The following EDAR variants were observed in gnomAD, a reference collection of about 807,000 sequenced individuals.
The protein encoded by EDAR is ectodysplasin A receptor.
Under a neutral mutation model 51.3 loss-of-function variants are expected in EDAR, and 38 were observed. That is an observed-to-expected ratio of 0.74 (90% confidence interval 0.57 to 0.97). The LOEUF (loss-of-function observed/expected upper bound fraction) is 0.97. EDAR is among the 50% of genes least tolerant of loss of function. The pLI, the probability that EDAR is intolerant of heterozygous loss-of-function variation, is 0.00. For missense variants in EDAR, 528 were observed against 595.0 expected (o/e 0.89, Z 1.17); for synonymous variants, 227 against 242.1 (o/e 0.94, Z 0.58).
At chr2:108,961,805 A>G (rs2104406018) in intron 1 of EDAR, among the ~76,000 whole-genome samples, 1 of 152,196 alleles carries the variant, frequency 6.6e-6, no homozygotes, top group East Asian at 1.9e-4. Flanking sequence ...CTCTCTCGTG[A>G]CCTGAGCCTG....
intron 1 of EDAR, among the ~76,000 whole-genome samples, chr2:108,943,649 C>T (rs200108244): frequency 5.9e-5 from 9 of 152,166 alleles, no homozygotes; most frequent in East Asian, 1.9e-4. Flanking sequence ...GAAGACTCCG[C>T]GTATTTTCCG....
chr2:108,911,616 C>CCTCAGTCACCCCGGGGGATTTTG (rs1558802675), intron 6 of EDAR, among the ~76,000 whole-genome samples: 1 of 152,184 alleles, frequency 6.6e-6, no homozygotes, highest in Non-Finnish European at 1.5e-5. Context: ...CCAGGCAGTC[C>CCTCAGTCACCCCGGGGGATTTTG]CTCAGTCACC....
At chr2:108,953,317 G>C (rs943276267) in intron 1 of EDAR, among the ~76,000 whole-genome samples, 1 of 152,058 alleles carries the variant, frequency 6.6e-6, no homozygotes, top group African/African-American at 2.4e-5. Context: ...AAGACCCACC[G>C]GTAAACTTCA....
At chr2:108,907,628 A>C (rs1405722581) in intron 10 of EDAR, among the ~76,000 whole-genome samples, 1 of 150,256 alleles carries the variant, frequency 6.7e-6, no homozygotes, top group Non-Finnish European at 1.5e-5. Context: ...AGGCTGGGTG[A>C]CAGAGCAAGA....
At chr2:108,927,298 C>A (rs143248098) in intron 4 of EDAR, among the ~76,000 whole-genome samples, 1 of 152,074 alleles carries the variant, frequency 6.6e-6, no homozygotes, top group Admixed American at 6.5e-5. Flanking sequence ...TGGAGTAGGG[C>A]GGGAGGCATC....
chr2:108,985,095 G>T (rs1405716872), intron 1 of EDAR, among the ~76,000 whole-genome samples: 17 of 152,148 alleles, frequency 1.1e-4, no homozygotes. Flanking sequence ...CAGGATTAAG[G>T]TGTTGTTGGC....
At chr2:108,943,318 G>A (rs1033240176) in intron 1 of EDAR, among the ~76,000 whole-genome samples, 7 of 152,152 alleles carry the variant, frequency 4.6e-5, no homozygotes, top group African/African-American at 1.7e-4. Flanking sequence ...AGAAACAGAG[G>A]GGAGGCTTTC....
chr2:108,925,774 C>A (rs964646142), intron 4 of EDAR, among the ~76,000 whole-genome samples: 5 of 152,130 alleles, frequency 3.3e-5, no homozygotes, highest in Non-Finnish European at 7.3e-5. Flanking sequence ...TGCACCACGA[C>A]GCCTGGCTAA....
chr2:108,948,995 T>A (rs1402975105), intron 1 of EDAR, among the ~76,000 whole-genome samples: 1 of 152,158 alleles, frequency 6.6e-6, no homozygotes, highest in Admixed American at 6.5e-5. Flanking sequence ...TACATGTTTT[T>A]AGGCAGAGTC....
At chr2:108,915,619 C>T (rs1300391414) in intron 5 of EDAR, among the ~76,000 whole-genome samples, 2 of 152,064 alleles carry the variant, frequency 1.3e-5, no homozygotes, top group Non-Finnish European at 2.9e-5. Flanking sequence ...GAAAGAGCTG[C>T]CCAGGCACGG....
At chr2:108,911,170 G>C (rs544782369) in intron 6 of EDAR, 98 bp from the exon 7 acceptor site, 1 of 1,480,300 alleles carries the variant, frequency 6.8e-7, no homozygotes, top group South Asian at 1.2e-5. Context: ...CCCTGCCCCT[G>C]GGATGCTTTC....
chr2:108,971,177 G>A (rs979150015), intron 1 of EDAR, among the ~76,000 whole-genome samples: 2 of 152,088 alleles, frequency 1.3e-5, no homozygotes, highest in Admixed American at 6.5e-5. Context: ...CATGTTTTCC[G>A]TCTCCAACTG....
At chr2:108,949,406 G>A (rs1024320319) in intron 1 of EDAR, among the ~76,000 whole-genome samples, 2 of 152,108 alleles carry the variant, frequency 1.3e-5, no homozygotes, top group Non-Finnish European at 2.9e-5. Flanking sequence ...GGGAAGATAC[G>A]GCTTGGGCAT....
chr2:108,906,314 C>T lies in EDAR; in HGVS notation c.1018G>A (p.Val340Met), dbSNP rs779487722. Reference protein sequence around the residue: ...LDVYANVCGVVEGLSPTELPF... With the variant: ...LDVYANVCGVMEGLSPTELPF... ...GGCTTTTTTTTCAGCTTACCTTCCA[C>T]GACTCCACACACGTTGGCATACACA... is the stretch of plus-strand genomic sequence containing the variant. Residue 340 changes from valine to methionine, a missense_variant, in exon 11 of 12, where the codon GTG becomes ATG. Val to Met is a conservative substitution (Grantham distance 21). Transcript: ENST00000258443. The T allele has an allele frequency of 1.1e-5, 18 of 1,614,076 alleles. No individual in the cohort carries two copies. The highest frequency in any genetic ancestry group is 8.9e-5 in the East Asian group (4 of 44,892).
intron 11 of EDAR, among the ~76,000 whole-genome samples, chr2:108,904,333 GA>G (rs777156374): frequency 2.6e-5 from 4 of 152,200 alleles, no homozygotes; most frequent in Non-Finnish European, 5.9e-5. Context: ...AGCATATGGA[GA>G]AACTAGACCG....
At position 108,919,355 on chromosome 2, in the gene EDAR, T is replaced by TTTTA. The variant is rs529592119; in HGVS notation, c.442+4009_442+4012dup. Among the ~76,000 whole-genome samples, 330 of 152,188 alleles carry TTTTA rather than the reference T, an allele frequency of 2.2e-3. 4 individuals carry two copies. Among genetic ancestry groups the TTTTA allele is most frequent in the Middle Eastern group, 0.01 (3 of 294 alleles). The stretch of plus-strand genomic sequence containing the variant: ...TTCTTTCATTAACCCTCTGACCGCT[T>TTTTA]TTTATTTATTTATTTATTTAGAGGC... On this transcript the variant is annotated intron_variant, in intron 5 of 11. Transcript: ENST00000258443.
At chr2:108,932,759 C>T (rs1302380993) in intron 1 of EDAR, among the ~76,000 whole-genome samples, 1 of 152,084 alleles carries the variant, frequency 6.6e-6, no homozygotes, top group Non-Finnish European at 1.5e-5. Context: ...CACCCAATGC[C>T]AAGTACATAT....
chr2:108,960,259 G>T (rs1014045740), intron 1 of EDAR, among the ~76,000 whole-genome samples: 1 of 152,172 alleles, frequency 6.6e-6, no homozygotes, highest in Non-Finnish European at 1.5e-5. Context: ...GATCCCCCAA[G>T]GTTTTAACTC....
intron 6 of EDAR, among the ~76,000 whole-genome samples, chr2:108,911,349 C>T (rs1696926328): frequency 6.6e-6 from 1 of 152,186 alleles, no homozygotes; most frequent in African/African-American, 2.4e-5. Context: ...GCTCTTGCTT[C>T]TACTGCTTTG....
Sources: gnomAD v4.1 joint callset for allele counts (sites outside exome capture counted in the v4.1 genomes callset) on GRCh38, gnomAD v4.1.1 for gene constraint, MANE v1.5 for transcripts, NCBI Gene and HGNC (gene_info 2026-07-23, HGNC 2026-07-21) for gene names.